MACROD2: variants seen among roughly 807,000 people sequenced by gnomAD.
MACROD2 encodes the protein ADP-ribose glycohydrolase MACROD2.
Under a neutral mutation model 70.4 loss-of-function variants are expected in MACROD2, and 36 were observed. That is an observed-to-expected ratio of 0.51 (90% CI 0.39 to 0.68). The LOEUF is 0.68. Ranked by LOEUF, MACROD2 falls within the 30% of genes least tolerant of loss-of-function variation. MACROD2 has a pLI of 0.00. For synonymous variants in MACROD2, 172 were observed against 178.8 expected (o/e 0.96, Z 0.30); for missense variants, 496 against 538.4 (o/e 0.92, Z 0.78).
chr20:14,399,251 C>T (rs2122830292), intron 3 of MACROD2, among the ~76,000 whole-genome samples: 1 of 152,214 alleles, frequency 6.6e-6, no homozygotes, highest in Non-Finnish European at 1.5e-5. Context: ...GAACTCCTTA[C>T]CTCAAATGAT....
At chr20:14,255,817 T>G (rs1601405312) in intron 3 of MACROD2, among the ~76,000 whole-genome samples, 1 of 152,212 alleles carries the variant, frequency 6.6e-6, no homozygotes, top group Middle Eastern at 3.4e-3. Flanking sequence ...TGTCTCTGAA[T>G]CACATTCTCC....
chr20:15,244,811 C>A (rs937584758), intron 6 of MACROD2, among the ~76,000 whole-genome samples: 2 of 152,150 alleles, frequency 1.3e-5, no homozygotes, highest in Admixed American at 6.5e-5. Context: ...GCACACTCTG[C>A]AAACATTTCT....
chr20:15,985,326 C>T (rs945531052), intron 13 of MACROD2, among the ~76,000 whole-genome samples: 19 of 152,064 alleles, frequency 1.2e-4, no homozygotes, highest in Admixed American at 1.0e-3. Context: ...GCCAAAATCA[C>T]GAAATTCAAA....
intron 7 of MACROD2, among the ~76,000 whole-genome samples, chr20:15,491,559 A>G (rs1453382644): frequency 6.6e-6 from 1 of 152,272 alleles, no homozygotes; most frequent in Non-Finnish European, 1.5e-5. Flanking sequence ...CACTGTGGGC[A>G]AGTGGAGTGT....
intron 5 of MACROD2, chr20:14,757,776 A>T: frequency 6.5e-7 from 1 of 1,534,298 alleles, no homozygotes; most frequent in South Asian, 1.1e-5. Flanking sequence ...TACCTTCCCA[A>T]TGAGGGTATC....
chr20:14,105,213 C>G (rs2054353087), intron 3 of MACROD2, among the ~76,000 whole-genome samples: 1 of 152,142 alleles, frequency 6.6e-6, no homozygotes. Context: ...ATCATAGTAC[C>G]TGATTGTAAC....
intron 3 of MACROD2, among the ~76,000 whole-genome samples, chr20:14,481,276 C>T (rs17227006): frequency 0.012 from 1,886 of 152,018 alleles, 16 homozygotes; most frequent in Non-Finnish European, 0.019. Context: ...TCTTTAATAG[C>T]GATGTATGTT....
chr20:15,333,181 A>G (rs2078011410), intron 6 of MACROD2, among the ~76,000 whole-genome samples: 1 of 151,640 alleles, frequency 6.6e-6, no homozygotes, highest in Admixed American at 6.6e-5. Context: ...TTAGAAGTGC[A>G]AAATTTTCAG....
chr20:14,015,011 G>A (rs576234547), intron 2 of MACROD2, among the ~76,000 whole-genome samples: 2 of 137,106 alleles, frequency 1.5e-5, no homozygotes, highest in South Asian at 2.3e-4. Context: ...TTACCATGTT[G>A]CACAGGCTAG....
chr20:15,840,377 T>C (rs1204536118), intron 8 of MACROD2, among the ~76,000 whole-genome samples: 3 of 152,180 alleles, frequency 2.0e-5, no homozygotes, highest in Non-Finnish European at 4.4e-5. Context: ...GGGGACAACA[T>C]GTGTGGTTGG....
chr20:15,127,048 C>G (rs1443131078), intron 5 of MACROD2, among the ~76,000 whole-genome samples: 1 of 152,020 alleles, frequency 6.6e-6, no homozygotes, highest in Non-Finnish European at 1.5e-5. Context: ...ACACCTAGGG[C>G]AGAACACTTC....
chr20:14,066,805 A>ATTTTT (rs34648174), intron 2 of MACROD2, among the ~76,000 whole-genome samples: 14 of 104,128 alleles, frequency 1.3e-4, no homozygotes, highest in Middle Eastern at 6.6e-3. Flanking sequence ...TGTTTTAGTG[A>ATTTTT]TTTTTTTTTT....
At chr20:15,051,339 TGTGTGTGTGTGTGTGTG>T (rs1568549953) in intron 5 of MACROD2, among the ~76,000 whole-genome samples, 1 of 114 alleles carries the variant, frequency 8.8e-3, no homozygotes, top group Non-Finnish European at 0.015. Flanking sequence ...CAGTAGGAGA[TGTGTGTGTGTGTGTGTG>T]TGTGTGTGTG....
At chr20:15,604,341 C>T (rs1378537844) in intron 8 of MACROD2, among the ~76,000 whole-genome samples, 2 of 152,168 alleles carry the variant, frequency 1.3e-5, no homozygotes, top group Admixed American at 1.3e-4. Context: ...ACAAAATTAC[C>T]AATTCAGTTT....
chr20:15,311,442 C>T (rs755374430), intron 6 of MACROD2, among the ~76,000 whole-genome samples: 2 of 152,042 alleles, frequency 1.3e-5, no homozygotes, highest in South Asian at 2.1e-4. Context: ...GATATATATC[C>T]GAAAGAAAAC....
At chr20:15,683,704 G>C (rs1314257690) in intron 8 of MACROD2, among the ~76,000 whole-genome samples, 1 of 152,026 alleles carries the variant, frequency 6.6e-6, no homozygotes, top group Non-Finnish European at 1.5e-5. Context: ...TTAGCCTCCT[G>C]AGTAGCTGGG....
At chr20:14,286,183 G>C (rs1165381704) in intron 3 of MACROD2, among the ~76,000 whole-genome samples, 1 of 152,086 alleles carries the variant, frequency 6.6e-6, no homozygotes, top group African/African-American at 2.4e-5. Flanking sequence ...CATTATAATA[G>C]TTTTAAAAAT....
chr20:15,863,240 C>A (rs1372009112), intron 9 of MACROD2, among the ~76,000 whole-genome samples: 1 of 152,122 alleles, frequency 6.6e-6, no homozygotes, highest in Non-Finnish European at 1.5e-5. Flanking sequence ...TATTCATAGT[C>A]AGAATTCAAA....
intron 6 of MACROD2, among the ~76,000 whole-genome samples, chr20:15,343,926 A>G (rs565327839): frequency 7.3e-4 from 111 of 152,286 alleles, no homozygotes; most frequent in African/African-American, 2.6e-3. Flanking sequence ...TATCTCCTTT[A>G]AATATGACTT....
Sources: gnomAD v4.1 joint callset for allele counts (sites outside exome capture counted in the v4.1 genomes callset) on GRCh38, gnomAD v4.1.1 for gene constraint, MANE v1.5 for transcripts, NCBI Gene and HGNC (gene_info 2026-07-23, HGNC 2026-07-21) for gene names.